C9orf85: variants seen among roughly 807,000 people sequenced by gnomAD.
C9orf85 encodes the protein uncharacterized protein C9orf85.
C9orf85 carries 16 observed loss-of-function variants against 14.9 expected under a neutral mutation model. That is an observed-to-expected ratio of 1.08 (90% confidence interval 0.73 to 1.63). The LOEUF (loss-of-function observed/expected upper bound fraction) is 1.63, where lower values mean the gene tolerates loss of function less well. Ranked by LOEUF, C9orf85 falls within the 40% of genes most tolerant of loss-of-function variation. The pLI is 0.00. For missense variants in C9orf85, 172 were observed against 186.1 expected (o/e 0.92, Z 0.44); for synonymous variants, 45 against 56.8 (o/e 0.79, Z 0.93).
At chr9:71,911,951 T>A in intron 1 of C9orf85, 115 bp downstream of exon 1, 3 of 878,894 alleles carry the variant, frequency 3.4e-6, no homozygotes, top group Non-Finnish European at 5.8e-6. Flanking sequence ...AGCCCAGAGT[T>A]AGTCTTGGCT....
chr9:71,932,144 C>A lies in C9orf85; in HGVS notation c.103-14862C>A, dbSNP rs183134671. On this transcript the variant is annotated intron_variant, in intron 1 of 3. Coordinates refer to ENST00000334731, the MANE Select transcript of C9orf85 (RefSeq NM_182505.5). ...TAATTACCTTCTCCTGTATTTGATG[C>A]TCAGATCTGATACTCCAGTCTACAT... Among the ~76,000 whole-genome samples, 37 of 152,314 alleles carry A rather than the reference C, an allele frequency of 2.4e-4. 1 individual carries two copies. In the East Asian group the frequency reaches 5.2e-3, roughly 21 times the overall value.
chr9:71,968,679 A>G (rs1483164155), intron 2 of C9orf85, among the ~76,000 whole-genome samples: 1 of 152,184 alleles, frequency 6.6e-6, no homozygotes, highest in Non-Finnish European at 1.5e-5. Context: ...AAGAAATAGC[A>G]CTCAAACATA....
rs554619849 is a variant in C9orf85 at position 71,917,952 on chromosome 9, G to A, written c.102+6116G>A. ...AATCACAGCACTTTGGGAGGCCAAG[G>A]CAGGCAGATCACTTGAGGTCAGGAG... On this transcript the variant is annotated intron_variant, in intron 1 of 3. Coordinates refer to ENST00000334731, the MANE Select transcript of C9orf85 (RefSeq NM_182505.5). 2.4e-4 allele frequency among the ~76,000 whole-genome samples: 36 copies of A among 152,308 alleles called. 1 individual carries two copies. The highest frequency in any genetic ancestry group is 8.4e-4 in the African/African-American group (35 of 41,564).
Position 71,982,664 on chromosome 9 carries a change from C to G in C9orf85, c.331C>G (p.Leu111Val), listed in dbSNP as rs903019733. ...TTTTTTTTTTTTTTTCAGATGGAGT[C>G]TCCCTCTGTTGCCCAGGCTGGAGTG... is the stretch of plus-strand genomic sequence containing the variant. Residue 111 changes from leucine (L) to valine (V), a missense_variant, in exon 4 of 4, where the codon CTC (leucine) becomes GTC (valine). By Grantham distance (32) the Leu-to-Val change is conservative (BLOSUM62 1). Transcript: ENST00000377031. 1.6e-5 allele frequency: 5 copies of G among 320,492 alleles called. No individual in the cohort carries two copies. The East Asian group carries it at 5.1e-4, about 33-fold the overall frequency. The allele number at this position is 320,492 out of a possible 1,614,324, so 19.9% of individuals were successfully genotyped here.
chr9:71,941,908 G>A (rs548464881), intron 1 of C9orf85: 2 of 152,266 alleles, frequency 1.3e-5, no homozygotes, highest in South Asian at 2.1e-4. Context: ...TATTTTACCT[G>A]TACCCATACA....
At chr9:71,966,150 C>T (rs188482163) in intron 2 of C9orf85, among the ~76,000 whole-genome samples, 2 of 152,202 alleles carry the variant, frequency 1.3e-5, no homozygotes, top group South Asian at 2.1e-4. Context: ...GTTTCTATAC[C>T]TCCCTTCCTA....
intron 1 of C9orf85, among the ~76,000 whole-genome samples, chr9:71,929,665 T>TTTA (rs1828024638): frequency 6.6e-6 from 1 of 152,052 alleles, no homozygotes; most frequent in Non-Finnish European, 1.5e-5. Flanking sequence ...AATACTCTAA[T>TTTA]GTTATTCTAG....
intron 1 of C9orf85, chr9:71,918,443 A>G: frequency 7.7e-7 from 1 of 1,303,344 alleles, no homozygotes; most frequent in Non-Finnish European, 1.0e-6. Flanking sequence ...TGCAAACTCT[A>G]GTCATGATGT....
chr9:71,930,884 G>A (rs1239010500), intron 1 of C9orf85, among the ~76,000 whole-genome samples: 1 of 149,596 alleles, frequency 6.7e-6, no homozygotes, highest in Admixed American at 6.6e-5. Flanking sequence ...TTCTTAGCAT[G>A]TTCCTAATTT....
rs567858749 is a variant in C9orf85 at position 71,921,306 on chromosome 9, T to C, written c.102+9470T>C. Among the ~76,000 whole-genome samples, 14 of 152,372 alleles carry C rather than the reference T, an allele frequency of 9.2e-5. No homozygotes were observed. In the East Asian group the frequency reaches 2.7e-3, roughly 29 times the overall value. ...AGAGACATTCACTGGCTATTCTCTC[T>C]GAAGCCTGCTACCTGGAGGCTTCAT... On this transcript the variant is annotated intron_variant, in intron 1 of 3. Transcript: ENST00000334731.
In C9orf85 at chr9:71,972,914, A is replaced by C. The variant is rs13283402; in HGVS notation, c.*72A>C. ...ATCCCAACACTTTGGGAGGCCAAGG[A>C]GGGTGGATCACCTGAGGTCAGGAGT... On this transcript the variant is annotated 3_prime_UTR_variant, in exon 4 of 4. Transcript: ENST00000334731. 164,809 of 1,307,314 alleles carry C rather than the reference A, an allele frequency of 0.13. 10,855 individuals are homozygous for C. The highest frequency in any genetic ancestry group is 0.18 in the African/African-American group (12,115 of 65,850). The allele number at this position is 1,307,314 out of a possible 1,614,324, so 81.0% of individuals were successfully genotyped here.
chr9:71,982,632 CTTTTTTTTT>C (rs56038535), intron 3 of C9orf85: 6 of 247,692 alleles, frequency 2.4e-5, no homozygotes, highest in Non-Finnish European at 3.5e-5. Context: ...TTGTATATTT[CTTTTTTTTT>C]TTTTTTTTTT....
At chr9:71,928,909 AGT>A (rs1827997788) in intron 1 of C9orf85, among the ~76,000 whole-genome samples, 1 of 152,132 alleles carries the variant, frequency 6.6e-6, no homozygotes, top group Admixed American at 6.5e-5. Context: ...TGTTTCTAAG[AGT>A]GAGAAAATGC....
At chr9:71,931,230 G>T (rs567006277) in intron 1 of C9orf85, among the ~76,000 whole-genome samples, 12 of 152,280 alleles carry the variant, frequency 7.9e-5, no homozygotes, top group African/African-American at 2.9e-4. Flanking sequence ...TTTTGGAAAA[G>T]CTTCTTAAAT....
At chr9:71,928,186 C>CAAAAAAAAAAAAAAA (rs58238164) in intron 1 of C9orf85, among the ~76,000 whole-genome samples, 2 of 74,286 alleles carry the variant, frequency 2.7e-5, no homozygotes, top group African/African-American at 1.1e-4. Context: ...GGCTCTGTCT[C>CAAAAAAAAAAAAAAA]AAAAAAAAAA....
rs1437742231 is a variant in C9orf85, at chr9:71,916,095, T to C, written c.102+4259T>C. Among the ~76,000 whole-genome samples, 4 of 152,256 alleles carry C rather than the reference T, an allele frequency of 2.6e-5. No individual in the cohort carries two copies. The South Asian group carries it at 8.3e-4, about 32-fold the overall frequency. On this transcript the variant is annotated intron_variant, in intron 1 of 3. Transcript: ENST00000334731. ...GTGACAGGCATTAATCAAATAATCT[T>C]TCAAGTATGTTAATACTACAGCAGT...
At chr9:71,969,847 T>C (rs1822810059) in intron 2 of C9orf85, among the ~76,000 whole-genome samples, 2 of 152,198 alleles carry the variant, frequency 1.3e-5, no homozygotes, top group African/African-American at 4.8e-5. Flanking sequence ...AGTGTTTTAT[T>C]TTCTAAATAT....
chr9:71,977,912 A>C (rs1167106129), downstream of C9orf85, among the ~76,000 whole-genome samples: 2 of 152,126 alleles, frequency 1.3e-5, no homozygotes, highest in East Asian at 1.9e-4. Context: ...ATACCTACTG[A>C]AAAAAATCAT....
At chr9:71,982,167 G>T (rs977790007) in intron 3 of C9orf85, among the ~76,000 whole-genome samples, 2 of 151,632 alleles carry the variant, frequency 1.3e-5, no homozygotes, top group African/African-American at 4.9e-5. Context: ...TTTGAGTCTA[G>T]CTCCATTCAC....
Sources: gnomAD v4.1 joint callset for allele counts (sites outside exome capture counted in the v4.1 genomes callset) on GRCh38, gnomAD v4.1.1 for gene constraint, MANE v1.5 for transcripts, NCBI Gene and HGNC (gene_info 2026-07-23, HGNC 2026-07-21) for gene names.